MMEL1: variants seen among roughly 807,000 people sequenced by gnomAD.
The protein encoded by MMEL1 is membrane metallo-endopeptidase-like 1.
Under a neutral mutation model 117.1 loss-of-function variants are expected in MMEL1, and 98 were observed. That is an observed-to-expected ratio of 0.84 (90% CI 0.71 to 0.99). The LOEUF (loss-of-function observed/expected upper bound fraction) is 0.99, where lower values mean the gene tolerates loss of function less well. MMEL1 is among the 50% of genes least tolerant of loss of function. The pLI, the probability that MMEL1 is intolerant of heterozygous loss-of-function variation, is 0.00. For synonymous variants in MMEL1, 390 were observed against 415.1 expected (o/e 0.94, Z 0.74); for missense variants, 1,014 against 1,049.1 (o/e 0.97, Z 0.46).
intron 2 of MMEL1, among the ~76,000 whole-genome samples, chr1:2,613,303 G>A (rs553423084): frequency 2.3e-4 from 35 of 152,328 alleles, no homozygotes; most frequent in African/African-American, 3.6e-4. Flanking sequence ...GAGTGCGAGC[G>A]GAAGGCATGG....
At chr1:2,605,308 C>T (rs1267367327) in intron 9 of MMEL1, among the ~76,000 whole-genome samples, 1 of 152,192 alleles carries the variant, frequency 6.6e-6, no homozygotes, top group Non-Finnish European at 1.5e-5. Context: ...GACAGTTCTG[C>T]CCCATGGGGC....
At chr1:2,624,901 C>G (rs1368904626) in intron 2 of MMEL1, among the ~76,000 whole-genome samples, 2 of 152,174 alleles carry the variant, frequency 1.3e-5, no homozygotes, top group Non-Finnish European at 2.9e-5. Flanking sequence ...AAAGGGGACG[C>G]AAGCACGTCT....
chr1:2,628,525 G>A (rs1638379096), intron 2 of MMEL1, among the ~76,000 whole-genome samples: 1 of 152,222 alleles, frequency 6.6e-6, no homozygotes, highest in African/African-American at 2.4e-5. Context: ...CCCCGGGGGT[G>A]AGCATTGCTC....
intron 2 of MMEL1, among the ~76,000 whole-genome samples, chr1:2,623,164 T>TAA (rs375084628): frequency 8.3e-5 from 11 of 132,666 alleles, no homozygotes; most frequent in African/African-American, 1.4e-4. Flanking sequence ...TGACTCCGTC[T>TAA]AAAAAAAAAA....
At chr1:2,593,743 C>A in intron 19 of MMEL1, 71 bp downstream of exon 19, 2 of 1,505,916 alleles carry the variant, frequency 1.3e-6, no homozygotes, top group Non-Finnish European at 8.9e-7. Flanking sequence ...ATGGAGCGCC[C>A]CCAGGCCCCT....
chr1:2,632,971 G>A lies in MMEL1; in HGVS notation c.-143C>T, dbSNP rs1290192791. 1 of 985,814 alleles carries A rather than the reference G, an allele frequency of 1.0e-6. No individual in the cohort carries two copies. Among genetic ancestry groups the A allele is most frequent in the Non-Finnish European group, 1.2e-6 (1 of 830,272 alleles). The allele number at this position is 985,814 out of a possible 1,614,324, so 61.1% of individuals were successfully genotyped here. On this transcript the variant is annotated 5_prime_UTR_variant, in exon 1 of 24. Transcript: ENST00000378412. ...TGGGCCAAGTGGGTGGATTTCCAGG[G>A]ACTGGGATGGGAGAGCAGTGGCTTG...
At chr1:2,613,713 TG>T (rs1367570458) in intron 2 of MMEL1, among the ~76,000 whole-genome samples, 3 of 151,970 alleles carry the variant, frequency 2.0e-5, no homozygotes, top group African/African-American at 7.3e-5. Flanking sequence ...CGTTCAAGCA[TG>T]GCGGCATACG....
At chr1:2,621,284 C>T (rs1645285223) in intron 2 of MMEL1, among the ~76,000 whole-genome samples, 1 of 152,138 alleles carries the variant, frequency 6.6e-6, no homozygotes, top group Non-Finnish European at 1.5e-5. Context: ...GACCCTGTCT[C>T]AAAAACAAAC....
Position 2,592,827 on chromosome 1 carries a change from G to A in MMEL1, c.2001+6C>T, listed in dbSNP as rs375367179. On this transcript the variant is annotated splice_donor_region_variant and intron_variant, in intron 20 of 23. Transcript: ENST00000378412. ...CCGCAGCCTGGGTGCTGGTGGCAGCGCTCACGTTCTGTTCGTCTGCCAGGT... is the reference window on the plus strand; with the variant it reads ...CCGCAGCCTGGGTGCTGGTGGCAGCACTCACGTTCTGTTCGTCTGCCAGGT... 91 of 1,613,334 alleles carry A rather than the reference G, an allele frequency of 5.6e-5. 1 individual carries two copies. In the African/African-American group the frequency reaches 7.2e-4, roughly 13 times the overall value.
intron 2 of MMEL1, 84 bp downstream of exon 2, chr1:2,629,247 G>A (rs1308560981): frequency 9.3e-6 from 13 of 1,399,004 alleles, no homozygotes; most frequent in East Asian, 8.2e-5. Context: ...CGGGCTGGGG[G>A]CAGGCGGACC....
chr1:2,612,350 G>T lies in MMEL1; in HGVS notation c.155-146C>A. 1.5e-6 allele frequency: 1 copy of T among 647,994 alleles called. No individual in the cohort carries two copies. The highest frequency in any genetic ancestry group is 2.7e-6 in the Non-Finnish European group (1 of 372,540). The allele number at this position is 647,994 out of a possible 1,614,324, so 40.1% of individuals were successfully genotyped here. A position where few individuals can be genotyped will look rare whatever the true frequency, so the allele number is the denominator to read the frequency against. On this transcript the variant is annotated intron_variant, in intron 2 of 23. Coordinates refer to ENST00000378412, the MANE Select transcript of MMEL1 (RefSeq NM_033467.4). The surrounding 1 kb of genome is among the most constrained non-coding windows in gnomAD (Gnocchi z 5.4). ...GTAGTGAGGGCTGGTCCCCAGGGCA[G>T]CGAGACAGGAGATCCACAGAGTTCA...
intron 7 of MMEL1, 54 bp downstream of exon 7, chr1:2,606,920 T>C (rs1645038134): frequency 2.0e-6 from 3 of 1,500,760 alleles, no homozygotes; most frequent in African/African-American, 1.4e-5. Context: ...GAAGGAGCCC[T>C]GGTCCTGGTC....
Position 2,595,944 on chromosome 1 carries a change from G to C in MMEL1, c.1500+65C>G, listed in dbSNP as rs1644830513. 7.0e-7 allele frequency: 1 copy of C among 1,418,798 alleles called. No homozygotes were observed. The highest frequency in any genetic ancestry group is 9.9e-7 in the Non-Finnish European group (1 of 1,007,828). The allele number at this position is 1,418,798 out of a possible 1,614,324, so 87.9% of individuals were successfully genotyped here. On this transcript the variant is annotated intron_variant, in intron 15 of 23. Transcript: ENST00000378412. The surrounding 1 kb of genome is among the most constrained non-coding windows in gnomAD (Gnocchi z 4.8). ...CCCGTGGGGACCGTCAGGAGGCTTT[G>C]TCGGGGCGGTGCTGCCCGTGCCCAG...
At chr1:2,604,387 T>G (rs1644988005) in intron 9 of MMEL1, 106 bp from the exon 10 acceptor site, 3 of 1,471,904 alleles carry the variant, frequency 2.0e-6, no homozygotes, top group Non-Finnish European at 2.8e-6. Context: ...AAGCCCCTAA[T>G]GCGTGTCCAC....
chr1:2,612,766 G>A lies in MMEL1; in HGVS notation c.155-562C>T, dbSNP rs1355813444. ...CTGCTGGGAGGGGCCTGCCTGGTCAGCATCGGGGGCTCCTGGGATGGCTGT... is the reference window on the plus strand; with the variant it reads ...CTGCTGGGAGGGGCCTGCCTGGTCAACATCGGGGGCTCCTGGGATGGCTGT... On this transcript the variant is annotated intron_variant, in intron 2 of 23. Coordinates refer to ENST00000378412, the MANE Select transcript of MMEL1 (RefSeq NM_033467.4). The surrounding 1 kb of genome is among the most constrained non-coding windows in gnomAD (Gnocchi z 5.4). Among the ~76,000 whole-genome samples, 1 of 152,164 alleles carries A rather than the reference G, an allele frequency of 6.6e-6. No individual in the cohort carries two copies. The highest frequency in any genetic ancestry group is 1.5e-5 in the Non-Finnish European group (1 of 68,024).
At position 2,603,836 on chromosome 1, in the gene MMEL1, C is replaced by T. The variant is rs74047740; in HGVS notation, c.1041+48G>A. On this transcript the variant is annotated intron_variant, in intron 11 of 23. Transcript: ENST00000378412. ...CAGAGGGCCGCTTCCATGTCCCCCA[C>T]GAGTCTCCACCCGGCCAGTGCCGGC... The T allele has an allele frequency of 1.8e-3, 2,759 of 1,563,824 alleles. 46 individuals are homozygous for T. The African/African-American group carries it at 0.032, about 18-fold the overall frequency.
Position 2,606,330 on chromosome 1 carries a change from A to C in MMEL1, c.668T>G (p.Met223Arg). ...GACGCGCCTGTTGAACTGTGAGTTC[A>C]TCAGCGCCAGCTGCCGCTCCAGCTC... ...EWELERQLALMNSQFNRRVLI... is the reference protein window; with the variant it reads ...EWELERQLALRNSQFNRRVLI... The change falls in exon 8 of 24, where the codon ATG (methionine) becomes AGG (arginine). Residue 223 changes from methionine (M) to arginine (R), a missense_variant. By Grantham distance (91) the Met-to-Arg change is moderately conservative. Transcript: ENST00000378412. 1.2e-6 allele frequency: 2 copies of C among 1,612,294 alleles called. No individual in the cohort carries two copies. The highest frequency in any genetic ancestry group is 2.2e-5 in the South Asian group (2 of 91,088).
In MMEL1 at chr1:2,617,382, G is replaced by T. The variant is rs28449264; in HGVS notation, c.155-5178C>A. Among the ~76,000 whole-genome samples the T allele has an allele frequency of 6.4e-3, 903 of 140,978 alleles. 7 individuals are homozygous for T. The highest frequency in any genetic ancestry group is 0.023 in the African/African-American group (847 of 36,220). The allele number at this position is 140,978 out of a possible 152,430, so 92.5% of individuals were successfully genotyped here. A position where few individuals can be genotyped will look rare whatever the true frequency, so the allele number is the denominator to read the frequency against. ...GCAGAGCTTGCAGTGAGCCGAGATC[G>T]CGCCACTGCACTCCAGCCTGGGCGA... On this transcript the variant is annotated intron_variant, in intron 2 of 23. Transcript: ENST00000378412.
At chr1:2,597,312 T>G (rs1644858703) in intron 13 of MMEL1, among the ~76,000 whole-genome samples, 1 of 151,372 alleles carries the variant, frequency 6.6e-6, no homozygotes, top group African/African-American at 2.4e-5. Context: ...GACGCTTGAC[T>G]CACAGATGTC....
Sources: allele counts gnomAD v4.1 joint callset (sites outside exome capture counted in the v4.1 genomes callset), GRCh38; gene constraint gnomAD v4.1.1; non-coding constraint Gnocchi (gnomAD v3.1); transcripts MANE v1.5; gene names NCBI Gene and HGNC (gene_info 2026-07-23, HGNC 2026-07-21).